The following KCNB2 variants were observed in gnomAD, a reference collection of about 807,000 sequenced individuals.
The protein encoded by KCNB2 is potassium voltage-gated channel subfamily B member 2.
Under a neutral mutation model 61.5 loss-of-function variants are expected in KCNB2, and 15 were observed. That is an observed-to-expected ratio of 0.24 (90% confidence interval 0.16 to 0.38). KCNB2 has a LOEUF of 0.38. KCNB2 is among the 10% of genes least tolerant of loss of function. The pLI is 1.00. For synonymous variants in KCNB2, 457 were observed against 446.0 expected (o/e 1.02, Z -0.31); for missense variants, 828 against 1,125.2 (o/e 0.74, Z 3.78).
chr8:72,903,286 G>A (rs1266859869), intron 2 of KCNB2, among the ~76,000 whole-genome samples: 1 of 152,120 alleles, frequency 6.6e-6, no homozygotes, highest in African/African-American at 2.4e-5. Flanking sequence ...TGAGGACCAG[G>A]TCTTTACTGT....
intron 2 of KCNB2, among the ~76,000 whole-genome samples, chr8:72,662,518 G>A (rs1806398327): frequency 6.6e-6 from 1 of 152,208 alleles, no homozygotes; most frequent in African/African-American, 2.4e-5. Flanking sequence ...AGCTACCCCA[G>A]GCCCTCAGGC....
intron 2 of KCNB2, among the ~76,000 whole-genome samples, chr8:72,760,303 G>A (rs1164688988): frequency 6.6e-6 from 1 of 152,200 alleles, no homozygotes; most frequent in Non-Finnish European, 1.5e-5. Context: ...GCTGCTGTGA[G>A]CATTCAGTGA....
intron 2 of KCNB2, among the ~76,000 whole-genome samples, chr8:72,843,283 G>T (rs538660223): frequency 5.9e-5 from 9 of 152,170 alleles, no homozygotes; most frequent in Non-Finnish European, 1.2e-4. Context: ...TAATTTGATT[G>T]TACTGTGGTC....
At chr8:72,590,393 G>C (rs949418667) in intron 2 of KCNB2, among the ~76,000 whole-genome samples, 2 of 151,826 alleles carry the variant, frequency 1.3e-5, no homozygotes, top group African/African-American at 4.8e-5. Context: ...AAGAACATTG[G>C]AATCAAAAAG....
intron 2 of KCNB2, among the ~76,000 whole-genome samples, chr8:72,934,390 C>A (rs1195543169): frequency 1.7e-5 from 2 of 118,748 alleles, no homozygotes; most frequent in Admixed American, 1.8e-4. Flanking sequence ...CCCTTCACCC[C>A]CCGCAAAAAA....
chr8:72,563,477 G>A (rs1806568850), intron 1 of KCNB2, among the ~76,000 whole-genome samples: 1 of 152,124 alleles, frequency 6.6e-6, no homozygotes, highest in African/African-American at 2.4e-5. Flanking sequence ...TCTGTATTAA[G>A]ATTGGCTACA....
chr8:72,817,867 T>C (rs1043960107), intron 2 of KCNB2, among the ~76,000 whole-genome samples: 3 of 152,174 alleles, frequency 2.0e-5, no homozygotes, highest in African/African-American at 7.2e-5. Flanking sequence ...TCTCAGTCGT[T>C]CTAAAATCTA....
intron 2 of KCNB2, among the ~76,000 whole-genome samples, chr8:72,585,449 C>G (rs1014790915): frequency 6.6e-6 from 1 of 152,224 alleles, no homozygotes; most frequent in Non-Finnish European, 1.5e-5. Context: ...TATCTTCTCT[C>G]TCTTTCTGAT....
chr8:72,593,963 T>G (rs919350728), intron 2 of KCNB2, among the ~76,000 whole-genome samples: 19 of 152,180 alleles, frequency 1.2e-4, no homozygotes, highest in African/African-American at 4.6e-4. Context: ...ATACAAACTT[T>G]TCACTAAGTT....
intron 2 of KCNB2, among the ~76,000 whole-genome samples, chr8:72,933,838 C>A (rs1284543927): frequency 6.6e-6 from 1 of 152,082 alleles, no homozygotes; most frequent in Non-Finnish European, 1.5e-5. Context: ...TAAAGAGGAC[C>A]TTTATTTTTC....
chr8:72,537,489 C>G lies in KCNB2; in HGVS notation c.-490C>G, dbSNP rs988127106. Reference sequence around the variant, plus strand: ...TCCGCGCGGCGAGCTCAGCCCCGCTCGATTTTTCCTCTTCTGTTCCAGCCC... The same window carrying G: ...TCCGCGCGGCGAGCTCAGCCCCGCTGGATTTTTCCTCTTCTGTTCCAGCCC... On this transcript the variant is annotated 5_prime_UTR_variant, in exon 1 of 3. Transcript: ENST00000523207. 2.6e-5 allele frequency: 4 copies of G among 152,294 alleles called. No individual in the cohort carries two copies. Among genetic ancestry groups the G allele is most frequent in the African/African-American group, 9.6e-5 (4 of 41,452 alleles). The allele number at this position is 152,294 out of a possible 1,614,324, so 9.4% of individuals were successfully genotyped here.
intron 2 of KCNB2, among the ~76,000 whole-genome samples, chr8:72,685,207 T>TC (rs1806830641): frequency 6.6e-6 from 1 of 152,166 alleles, no homozygotes; most frequent in Non-Finnish European, 1.5e-5. Context: ...GAAATGAATT[T>TC]GTATCTGAAA....
At chr8:72,896,952 G>A (rs1317482522) in intron 2 of KCNB2, among the ~76,000 whole-genome samples, 1 of 152,068 alleles carries the variant, frequency 6.6e-6, no homozygotes, top group Non-Finnish European at 1.5e-5. Flanking sequence ...TGTTGTTGTT[G>A]TTGTTATGAA....
intron 2 of KCNB2, among the ~76,000 whole-genome samples, chr8:72,719,264 A>G (rs535364042): frequency 7.9e-5 from 12 of 152,128 alleles, no homozygotes; most frequent in African/African-American, 2.9e-4. Flanking sequence ...ATAAGGAAAA[A>G]CTCAGCTCCC....
chr8:72,701,543 A>AT (rs5892361), intron 2 of KCNB2, among the ~76,000 whole-genome samples: 3 of 152,052 alleles, frequency 2.0e-5, no homozygotes, highest in East Asian at 1.9e-4. Flanking sequence ...CTTTATGTAG[A>AT]TTTTTTTAAA....
intron 2 of KCNB2, among the ~76,000 whole-genome samples, chr8:72,763,455 G>T (rs765676127): frequency 3.3e-5 from 5 of 152,166 alleles, no homozygotes; most frequent in African/African-American, 1.2e-4. Context: ...GTCTAGATGG[G>T]CATCGGACAG....
chr8:72,852,532 G>A (rs1810134603), intron 2 of KCNB2, among the ~76,000 whole-genome samples: 1 of 152,122 alleles, frequency 6.6e-6, no homozygotes, highest in African/African-American at 2.4e-5. Flanking sequence ...TGGTTTTATA[G>A]CAGAATATAT....
intron 2 of KCNB2, among the ~76,000 whole-genome samples, chr8:72,781,815 C>G (rs1054180751): frequency 6.6e-6 from 1 of 152,070 alleles, no homozygotes; most frequent in South Asian, 2.1e-4. Context: ...TTTGCAGGGA[C>G]CTGGATAGAG....
At chr8:72,772,386 C>T (rs745786980) in intron 2 of KCNB2, among the ~76,000 whole-genome samples, 6 of 152,202 alleles carry the variant, frequency 3.9e-5, no homozygotes, top group Admixed American at 1.3e-4. Flanking sequence ...CAAATTGTCT[C>T]CAATTGGTTA....
Sources: allele counts gnomAD v4.1 joint callset (sites outside exome capture counted in the v4.1 genomes callset), GRCh38; gene constraint gnomAD v4.1.1; transcripts MANE v1.5; gene names NCBI Gene and HGNC (gene_info 2026-07-23, HGNC 2026-07-21).